EPS15L1: variants seen among roughly 807,000 people sequenced by gnomAD.
EPS15L1 encodes epidermal growth factor receptor pathway substrate 15 like 1.
EPS15L1 carries 43 observed loss-of-function variants against 117.1 expected under a neutral mutation model. The observed-to-expected ratio is 0.37, with a 90% CI of 0.29 to 0.47. EPS15L1 has a LOEUF of 0.47. EPS15L1 is among the 20% of genes least tolerant of loss of function. The probability of loss-of-function intolerance (pLI) is 0.99; values close to 1 mark genes in which losing one functional copy is unlikely to be tolerated. For synonymous variants in EPS15L1, 459 were observed against 470.5 expected, an observed-to-expected ratio of 0.98 and a Z score of 0.32; for missense variants, 981 against 1,164.0, an observed-to-expected ratio of 0.84 and a Z score of 2.29.
In EPS15L1 at chr19:16,442,167, G is replaced by C; in HGVS notation, c.75+11C>G. On this transcript the variant is annotated intron_variant, in intron 2 of 23. Transcript: ENST00000455140. Reference sequence around the variant, plus strand: ...TCTAGTTCCATCTGAAGAGACATCAGCTAAACTTACCTGCTTGTAATAAGA... The same window carrying C: ...TCTAGTTCCATCTGAAGAGACATCACCTAAACTTACCTGCTTGTAATAAGA... The C allele has an allele frequency of 6.2e-7, 1 of 1,610,958 alleles. No individual in the cohort carries two copies.
At chr19:16,464,831 C>G (rs1348760792) in intron 1 of EPS15L1, among the ~76,000 whole-genome samples, 1 of 152,162 alleles carries the variant, frequency 6.6e-6, no homozygotes, top group Non-Finnish European at 1.5e-5. Flanking sequence ...CGCCTGTAAT[C>G]CCAGCACTTT....
intron 7 of EPS15L1, among the ~76,000 whole-genome samples, chr19:16,431,373 G>A (rs1283986433): frequency 6.7e-6 from 1 of 149,524 alleles, no homozygotes; most frequent in South Asian, 2.1e-4. Flanking sequence ...GTATGATCTT[G>A]GCTCACTGCA....
At chr19:16,437,587 C>T (rs1485670937) in intron 5 of EPS15L1, among the ~76,000 whole-genome samples, 183 bp downstream of exon 5, 1 of 152,126 alleles carries the variant, frequency 6.6e-6, no homozygotes, top group Non-Finnish European at 1.5e-5. Context: ...ACTGTAAATG[C>T]ACTAAATACC....
At position 16,439,078 on chromosome 19, in the gene EPS15L1, T is replaced by G. The variant is rs572145641; in HGVS notation, c.214-1213A>C. ...CACTTAGCTTGTTTTTTTTCTGTTT[T>G]TTTTTTTTTTTATTAACTGGCCTAA... On this transcript the variant is annotated intron_variant, in intron 4 of 23. Coordinates refer to ENST00000455140, the MANE Select transcript of EPS15L1 (RefSeq NM_001258374.3). Among the ~76,000 whole-genome samples the G allele has an allele frequency of 1.2e-4, 18 of 151,654 alleles. No individual in the cohort carries two copies. In the South Asian group the frequency reaches 1.7e-3, roughly 14 times the overall value.
Position 16,405,456 on chromosome 19 carries a change from G to A in EPS15L1, c.1267-707C>T, listed in dbSNP as rs1453899276. Among the ~76,000 whole-genome samples the A allele has an allele frequency of 1.3e-5, 2 of 152,224 alleles. No individual in the cohort carries two copies. Among genetic ancestry groups the A allele is most frequent in the African/African-American group, 4.8e-5 (2 of 41,458 alleles). The stretch of plus-strand genomic sequence containing the variant: ...CTGACCCCGTGGGATGGATCCAGAT[G>A]GTCAGCCCGAGGCTCCAATGCCCCA... On this transcript the variant is annotated intron_variant, in intron 13 of 23. Transcript: ENST00000455140. The surrounding 1 kb of genome is among the most constrained non-coding windows in gnomAD (Gnocchi z 4.0).
intron 19 of EPS15L1, among the ~76,000 whole-genome samples, chr19:16,388,472 G>C (rs1332167342): frequency 1.3e-5 from 2 of 152,152 alleles, no homozygotes; most frequent in Non-Finnish European, 2.9e-5. Context: ...GATAAAGAGA[G>C]AATCTTGAAA....
Position 16,377,269 on chromosome 19 carries a change from A to G in EPS15L1, c.2248-15T>C. Reference sequence around the variant, plus strand: ...GAAGGTGGGGGCTGTAAGAGAGGACATGAAAGAGAGGCAAAAATAGTTGTT... The same window carrying G: ...GAAGGTGGGGGCTGTAAGAGAGGACGTGAAAGAGAGGCAAAAATAGTTGTT... On this transcript the variant is annotated splice_polypyrimidine_tract_variant and intron_variant, in intron 21 of 23. Coordinates refer to ENST00000455140, the MANE Select transcript of EPS15L1 (RefSeq NM_001258374.3). 6.2e-7 allele frequency: 1 copy of G among 1,608,602 alleles called. No individual in the cohort carries two copies. The highest frequency in any genetic ancestry group is 2.2e-5 in the East Asian group (1 of 44,824).
At chr19:16,395,187 C>G (rs369934760) in intron 17 of EPS15L1, among the ~76,000 whole-genome samples, 157 bp downstream of exon 17, 2 of 139,564 alleles carry the variant, frequency 1.4e-5, no homozygotes, top group South Asian at 4.5e-4. Context: ...AGCAAGAGAG[C>G]GAGAGTTCGT....
intron 16 of EPS15L1, among the ~76,000 whole-genome samples, chr19:16,397,850 G>A (rs2092556341): frequency 6.6e-6 from 1 of 152,064 alleles, no homozygotes; most frequent in African/African-American, 2.4e-5. Context: ...TAAGGACTCT[G>A]TTTTAGTTAA....
At chr19:16,380,799 G>A (rs1236255261) in intron 21 of EPS15L1, among the ~76,000 whole-genome samples, 10 of 152,206 alleles carry the variant, frequency 6.6e-5, no homozygotes, top group Non-Finnish European at 1.2e-4. Context: ...AGTCAGAGAC[G>A]TGGCCACCTG....
At chr19:16,402,546 C>CTT (rs34782743) in intron 15 of EPS15L1, 61 bp from the exon 16 acceptor site, 70 of 1,238,468 alleles carry the variant, frequency 5.7e-5, no homozygotes, top group African/African-American at 3.7e-4. Flanking sequence ...AGAAAAGACG[C>CTT]TTTTTTTTTT....
chr19:16,425,374 G>C (rs779002480), intron 8 of EPS15L1, 58 bp from the exon 9 acceptor site: 24 of 1,237,936 alleles, frequency 1.9e-5, no homozygotes, highest in Non-Finnish European at 2.6e-5. Flanking sequence ...GGACCATCAG[G>C]AGAAGGCAGA....
At chr19:16,359,139 A>G (rs1397292380) in intron 23 of EPS15L1, among the ~76,000 whole-genome samples, 1 of 152,180 alleles carries the variant, frequency 6.6e-6, no homozygotes, top group African/African-American at 2.4e-5. Context: ...CTGCTCCTGC[A>G]CAGGTAAAAA....
chr19:16,461,514 C>T (rs980468210), intron 1 of EPS15L1, among the ~76,000 whole-genome samples: 9 of 151,318 alleles, frequency 5.9e-5, no homozygotes, highest in East Asian at 1.9e-4. Context: ...CCCAGCTACT[C>T]GGAGGGCTGA....
rs1219566913 is a variant in EPS15L1, at chr19:16,413,702, C to T, written c.1266+71G>A. The T allele has an allele frequency of 2.3e-6, 3 of 1,293,444 alleles. No individual in the cohort carries two copies. The East Asian group carries it at 6.9e-5, about 30-fold the overall frequency. The allele number at this position is 1,293,444 out of a possible 1,614,324, so 80.1% of individuals were successfully genotyped here. On this transcript the variant is annotated intron_variant, in intron 13 of 23. Transcript: ENST00000455140. ...GACCCCTGCCCTTCCCCACCACCAGCCAGGGAGGGAAGTTTTCCTGAACTA... is the reference window on the plus strand; with the variant it reads ...GACCCCTGCCCTTCCCCACCACCAGTCAGGGAGGGAAGTTTTCCTGAACTA...
chr19:16,409,937 C>CAAAAAAA (rs140859526), intron 13 of EPS15L1, among the ~76,000 whole-genome samples: 1 of 45,030 alleles, frequency 2.2e-5, no homozygotes, highest in Non-Finnish European at 4.0e-5. Flanking sequence ...GACTCTGTCT[C>CAAAAAAA]AAAAAAAAAA....
chr19:16,420,542 G>T (rs2092803472), intron 10 of EPS15L1, among the ~76,000 whole-genome samples: 1 of 152,176 alleles, frequency 6.6e-6, no homozygotes, highest in Non-Finnish European at 1.5e-5. Flanking sequence ...TCACAGTGTG[G>T]TCATCTGTGA....
At chr19:16,399,885 C>A (rs745791870) in intron 16 of EPS15L1, among the ~76,000 whole-genome samples, 23 of 152,060 alleles carry the variant, frequency 1.5e-4, no homozygotes, top group Non-Finnish European at 2.8e-4. Flanking sequence ...GCCACTGGGT[C>A]TGGATGTGAC....
rs1341862232 is a variant in EPS15L1 at position 16,361,952 on chromosome 19, C to A, written c.2413G>T (p.Ala805Ser). The A allele has an allele frequency of 1.9e-6, 3 of 1,612,462 alleles. No homozygotes were observed. Among genetic ancestry groups the A allele is most frequent in the Non-Finnish European group, 2.5e-6 (3 of 1,179,416 alleles). The change falls in exon 23 of 24, where the codon GCA (alanine) becomes TCA (serine). Residue 805 changes from alanine to serine, a missense_variant. Transcript: ENST00000455140. Reference sequence around the variant, plus strand: ...GGATCGGGGGCCTCGGGAAAGTCTGCGGAACCAAGCTGGCTTACAGGTGTA... The same window carrying A: ...GGATCGGGGGCCTCGGGAAAGTCTGAGGAACCAAGCTGGCTTACAGGTGTA... ...KSTPVSQLGS[A>S]DFPEAPDPFQ...
Sources: allele counts gnomAD v4.1 joint callset (sites outside exome capture counted in the v4.1 genomes callset), GRCh38; gene constraint gnomAD v4.1.1; non-coding constraint Gnocchi (gnomAD v3.1); transcripts MANE v1.5; gene names NCBI Gene and HGNC (gene_info 2026-07-23, HGNC 2026-07-21).